The following INPP4B variants were observed in gnomAD, a reference collection of about 807,000 sequenced individuals.
INPP4B encodes the protein inositol polyphosphate-4-phosphatase type II B.
A neutral mutation model predicts 122.5 loss-of-function variants in INPP4B; 55 were observed. The observed-to-expected ratio is 0.45, with a 90% CI of 0.36 to 0.56. The LOEUF (loss-of-function observed/expected upper bound fraction) is 0.56, where lower values mean the gene tolerates loss of function less well. Ranked by LOEUF, INPP4B falls within the 20% of genes least tolerant of loss-of-function variation. The pLI, the probability that INPP4B is intolerant of heterozygous loss-of-function variation, is 0.00. For synonymous variants in INPP4B, 403 were observed against 388.7 expected (o/e 1.04, Z -0.43); for missense variants, 1,000 against 1,097.7 (o/e 0.91, Z 1.26).
At position 142,483,671 on chromosome 4, in the gene INPP4B, G is replaced by A. The variant is rs1488798105; in HGVS notation, c.-190-20945C>T. ...GGGAAGATGCCTTATCTGAAGTGAT[G>A]AGCAGCAACCAGAATAGATTTATTG... On this transcript the variant is annotated intron_variant, in intron 2 of 25. Coordinates refer to ENST00000262992, the MANE Select transcript of INPP4B (RefSeq NM_001101669.3). Among the ~76,000 whole-genome samples, 3 of 152,048 alleles carry A rather than the reference G, an allele frequency of 2.0e-5. No homozygotes were observed. In the East Asian group the frequency reaches 5.8e-4, roughly 29 times the overall value.
At chr4:142,177,606 TGAGA>T (rs908081755) in intron 15 of INPP4B, among the ~76,000 whole-genome samples, 6 of 152,072 alleles carry the variant, frequency 3.9e-5, no homozygotes, top group Non-Finnish European at 5.9e-5. Context: ...ATTTTTCTAT[TGAGA>T]GAGTGAATTA....
chr4:142,354,833 G>A (rs538036351), intron 7 of INPP4B, among the ~76,000 whole-genome samples: 20 of 152,024 alleles, frequency 1.3e-4, no homozygotes, highest in African/African-American at 4.3e-4. Context: ...ACTAACATAC[G>A]GCTAGTTATC....
chr4:142,746,265 A>G (rs986272096), intron 1 of INPP4B, among the ~76,000 whole-genome samples: 6 of 152,156 alleles, frequency 3.9e-5, no homozygotes, highest in African/African-American at 1.4e-4. Context: ...GTGAACTCCC[A>G]TTCACAATTG....
intron 17 of INPP4B, among the ~76,000 whole-genome samples, chr4:142,154,942 G>A (rs1423302998): frequency 6.6e-6 from 1 of 151,856 alleles, no homozygotes; most frequent in African/African-American, 2.4e-5. Flanking sequence ...ATTATAATCA[G>A]TGTTCACTAG....
chr4:142,363,911 C>T (rs2148589398), intron 7 of INPP4B, among the ~76,000 whole-genome samples: 1 of 152,152 alleles, frequency 6.6e-6, no homozygotes, highest in East Asian at 1.9e-4. Flanking sequence ...TGCTGCTGAG[C>T]TCACACAGCA....
At chr4:142,629,906 A>G (rs139589964) in intron 2 of INPP4B, among the ~76,000 whole-genome samples, 2 of 152,242 alleles carry the variant, frequency 1.3e-5, no homozygotes, top group East Asian at 3.9e-4. Flanking sequence ...CAATGTGTCC[A>G]AGGTTGGATG....
At chr4:142,801,876 T>C (rs1474255689) in intron 1 of INPP4B, among the ~76,000 whole-genome samples, 2 of 152,186 alleles carry the variant, frequency 1.3e-5, no homozygotes, top group Non-Finnish European at 2.9e-5. Flanking sequence ...CGAGTTTTTT[T>C]TGTAATCATG....
At chr4:142,757,606 C>T (rs1770689578) in intron 1 of INPP4B, among the ~76,000 whole-genome samples, 1 of 152,132 alleles carries the variant, frequency 6.6e-6, no homozygotes, top group South Asian at 2.1e-4. Flanking sequence ...CTTTTTCTAA[C>T]TTGATAGCTC....
intron 1 of INPP4B, among the ~76,000 whole-genome samples, chr4:142,730,497 C>T (rs891044941): frequency 4.6e-5 from 7 of 152,198 alleles, no homozygotes; most frequent in Non-Finnish European, 1.0e-4. Context: ...TTCCATTCTT[C>T]AGGTCTATTC....
chr4:142,547,179 T>G (rs1031664264), intron 2 of INPP4B, among the ~76,000 whole-genome samples: 2 of 151,910 alleles, frequency 1.3e-5, no homozygotes, highest in African/African-American at 4.8e-5. Flanking sequence ...TAAATAAGGT[T>G]GCAAAAAGCT....
At chr4:142,809,671 T>C (rs1424593332) in intron 1 of INPP4B, among the ~76,000 whole-genome samples, 1 of 152,156 alleles carries the variant, frequency 6.6e-6, no homozygotes, top group Non-Finnish European at 1.5e-5. Context: ...ATAAACATCC[T>C]AGAATATGTA....
chr4:142,610,369 T>A (rs76341290), intron 2 of INPP4B, among the ~76,000 whole-genome samples: 51 of 152,324 alleles, frequency 3.3e-4, no homozygotes, highest in African/African-American at 1.2e-3. Context: ...TATGTCTTTA[T>A]TAGCAGTGTG....
chr4:142,160,564 G>A lies in INPP4B; in HGVS notation c.1360-3C>T, dbSNP rs771123488. 1.3e-6 allele frequency: 2 copies of A among 1,587,948 alleles called. No homozygotes were observed. The highest frequency in any genetic ancestry group is 1.1e-5 in the South Asian group (1 of 89,724). On this transcript the variant is annotated splice_polypyrimidine_tract_variant and splice_region_variant and intron_variant, in intron 16 of 25. Coordinates refer to ENST00000262992, the MANE Select transcript of INPP4B (RefSeq NM_001101669.3). ...AAGGCATGTACAAAAAGCTCTGTCT[G>A]GAAAGAAATTGACAAGGATTAGAAA...
At chr4:142,811,179 C>T (rs1779474742) in intron 1 of INPP4B, among the ~76,000 whole-genome samples, 1 of 152,176 alleles carries the variant, frequency 6.6e-6, no homozygotes, top group African/African-American at 2.4e-5. Context: ...TTCCCTACCT[C>T]CACCTGTGCA....
At chr4:142,611,080 G>T (rs1364278698) in intron 2 of INPP4B, among the ~76,000 whole-genome samples, 3 of 152,172 alleles carry the variant, frequency 2.0e-5, no homozygotes, top group Non-Finnish European at 2.9e-5. Context: ...GGCTTCCAGG[G>T]AGGCCTCAGG....
chr4:142,087,309 T>G (rs1777337188), intron 23 of INPP4B, among the ~76,000 whole-genome samples: 1 of 152,146 alleles, frequency 6.6e-6, no homozygotes, highest in South Asian at 2.1e-4. Flanking sequence ...GATAATTGGG[T>G]AGAAAGCAGG....
intron 14 of INPP4B, among the ~76,000 whole-genome samples, chr4:142,202,177 C>A (rs1840910765): frequency 1.3e-5 from 2 of 151,788 alleles, no homozygotes; most frequent in South Asian, 2.1e-4. Context: ...ACTAAAGACA[C>A]CAGATTGATT....
At chr4:142,135,889 C>T (rs1561246453) in intron 18 of INPP4B, among the ~76,000 whole-genome samples, 1 of 119,926 alleles carries the variant, frequency 8.3e-6, no homozygotes, top group Non-Finnish European at 1.6e-5. Flanking sequence ...CTCCCCCGCC[C>T]AGGTTCACGC....
intron 1 of INPP4B, among the ~76,000 whole-genome samples, chr4:142,832,106 A>G (rs978797617): frequency 6.6e-6 from 1 of 152,192 alleles, no homozygotes; most frequent in Admixed American, 6.5e-5. Context: ...GATGGCTTTA[A>G]CCAGTGGATT....
Sources: allele counts gnomAD v4.1 joint callset (sites outside exome capture counted in the v4.1 genomes callset), GRCh38; gene constraint gnomAD v4.1.1; transcripts MANE v1.5; gene names NCBI Gene and HGNC (gene_info 2026-07-23, HGNC 2026-07-21).